Variants in ZNF185 observed in about 807,000 individuals in gnomAD.
The protein encoded by ZNF185 is zinc finger protein 185.
In ZNF185, 56 loss-of-function variants were observed where a neutral mutation model predicts 58.6. The ratio of observed to expected loss-of-function variants is 0.95; its 90% CI spans 0.77 to 1.19. The LOEUF (loss-of-function observed/expected upper bound fraction) is 1.19, where lower values mean the gene tolerates loss of function less well. Ranked by LOEUF, ZNF185 falls within the 50% of genes most tolerant of loss-of-function variation. The probability of loss-of-function intolerance (pLI) is 0.00; values close to 1 mark genes in which losing one functional copy is unlikely to be tolerated. For missense variants in ZNF185, 627 were observed against 573.5 expected (o/e 1.09, Z -0.95); for synonymous variants, 230 against 215.9 (o/e 1.07, Z -0.57).
At chrX:152,903,573 G>C in the ZNF185 span, among the ~76,000 whole-genome samples, 2 of 109,374 alleles carry the variant, frequency 1.8e-5, no homozygotes, top group African/African-American at 6.7e-5. Context: ...ATTGGCTGAA[G>C]ACCACATTGG....
chrX:152,932,828 T>A, intron 13 of ZNF185, 45 bp from the exon 15 acceptor site: 1 of 1,028,076 alleles, frequency 9.7e-7, no homozygotes, highest in East Asian at 3.2e-5. Context: ...TTAGATGAGA[T>A]CAAAACGCAA....
At chrX:152,906,942 G>A in the ZNF185 span, among the ~76,000 whole-genome samples, 12 of 110,624 alleles carry the variant, frequency 1.1e-4, no homozygotes, top group Non-Finnish European at 2.3e-4. Context: ...TTGCTCCCTT[G>A]CCCTCCCAGT....
chrX:152,931,800 A>G (rs782116503), intron 13 of ZNF185, 24 bp downstream of exon 14: 1 of 1,164,882 alleles, frequency 8.6e-7, no homozygotes, highest in South Asian at 1.9e-5. Context: ...GGAAGCAGAC[A>G]CTTCATTCCC....
rs188650930 is a variant in ZNF185, at chrX:152,938,410, C to G, written c.1211+247C>G. On this transcript the variant is annotated intron_variant, in intron 15 of 22. Coordinates refer to ENST00000449285, the Ensembl canonical transcript of ZNF185. Reference sequence around the variant, plus strand: ...AAGGGTCTTTCAGTCAGCAACCACTCTGACAGCAACTGCCTTTTGCTGGAG... The same window carrying G: ...AAGGGTCTTTCAGTCAGCAACCACTGTGACAGCAACTGCCTTTTGCTGGAG... Among the ~76,000 whole-genome samples, 134 of 112,619 alleles carry G rather than the reference C, an allele frequency of 1.2e-3. 3 individuals carry two copies. Among genetic ancestry groups the G allele is most frequent in the African/African-American group, 3.9e-3 (120 of 30,993 alleles).
upstream of ZNF185, among the ~76,000 whole-genome samples, chrX:152,910,628 AC>A (rs1398832409): frequency 8.9e-6 from 1 of 111,913 alleles, no homozygotes; most frequent in Non-Finnish European, 1.9e-5. Context: ...CCACATTTTC[AC>A]CCCCATACTC....
chrX:152,949,498 G>C (rs1402361235), intron 16 of ZNF185, among the ~76,000 whole-genome samples: 1 of 112,404 alleles, frequency 8.9e-6, no homozygotes, highest in Non-Finnish European at 1.9e-5. Context: ...CAGTAGGCTA[G>C]GTTCATCAGG....
chrX:152,970,345 C>A, intron 21 of ZNF185, 98 bp from the exon 24 acceptor site: 1 of 716,759 alleles, frequency 1.4e-6, no homozygotes, highest in Non-Finnish European at 2.2e-6. Flanking sequence ...GGGCTCACAG[C>A]ATCTGCTCGC....
At chrX:152,943,062 TG>T (rs1556891607) in intron 15 of ZNF185, among the ~76,000 whole-genome samples, 1 of 111,575 alleles carries the variant, frequency 9.0e-6, no homozygotes. Context: ...TGGAGTGCAA[TG>T]GGGTGATCTC....
exon 12 of ZNF185, chrX:152,928,603 C>A (rs188278488): frequency 8.3e-7 from 1 of 1,210,779 alleles, no homozygotes; most frequent in East Asian, 3.0e-5. Flanking sequence ...TGTCCGCCTG[C>A]AGATCCTGAC....
At chrX:152,938,009 G>T in intron 14 of ZNF185, 65 bp from the exon 17 acceptor site, 1 of 1,060,770 alleles carries the variant, frequency 9.4e-7, no homozygotes, top group Non-Finnish European at 1.3e-6. Flanking sequence ...AGCCTGGAGG[G>T]GGAAGACCTG....
At chrX:152,933,071 C>A in intron 14 of ZNF185, 100 bp downstream of exon 15, 1 of 495,267 alleles carries the variant, frequency 2.0e-6, no homozygotes, top group Non-Finnish European at 3.3e-6. Flanking sequence ...GCACTGGTCA[C>A]TTCCTATGGC....
chrX:152,902,853 GAGA>G, the ZNF185 span, among the ~76,000 whole-genome samples: 3 of 112,079 alleles, frequency 2.7e-5, no homozygotes, highest in Non-Finnish European at 5.6e-5. Flanking sequence ...TGTGGGAGGG[GAGA>G]AGGAGGATAG....
At chrX:152,972,070 G>A (rs2050686232) in exon 23 of ZNF185, 1 of 112,148 alleles carries the variant, frequency 8.9e-6, no homozygotes, top group Non-Finnish European at 1.9e-5. Context: ...GATCCCAGCA[G>A]GATTAAGGAG....
the ZNF185 span, among the ~76,000 whole-genome samples, chrX:152,906,471 C>T: frequency 1.8e-5 from 2 of 113,359 alleles, no homozygotes; most frequent in African/African-American, 6.4e-5. Context: ...AGCAATCAGC[C>T]TCTGCAGTGG....
chrX:152,915,671 C>T (rs781993371), intron 3 of ZNF185, among the ~76,000 whole-genome samples: 70 of 112,497 alleles, frequency 6.2e-4, no homozygotes, highest in African/African-American at 2.2e-3. Flanking sequence ...CACGAGTTTG[C>T]TCTGACTGTC....
At chrX:152,955,794 C>A (rs182279357) in intron 16 of ZNF185, among the ~76,000 whole-genome samples, 1 of 109,765 alleles carries the variant, frequency 9.1e-6, no homozygotes, top group Admixed American at 9.7e-5. Flanking sequence ...CCCAGCTACT[C>A]GGGAGGCTGA....
chrX:152,922,993 CTG>C (rs1330410782), intron 11 of ZNF185, among the ~76,000 whole-genome samples, 184 bp downstream of exon 12: 1 of 112,448 alleles, frequency 8.9e-6, no homozygotes, highest in African/African-American at 3.2e-5. Flanking sequence ...CCCTGAGAAT[CTG>C]GGCAGATAAT....
intron 11 of ZNF185, among the ~76,000 whole-genome samples, chrX:152,925,757 C>G (rs1344021757): frequency 6.2e-5 from 7 of 112,164 alleles, no homozygotes; most frequent in Admixed American, 1.9e-4. Flanking sequence ...AACAATGACT[C>G]AATCAAACTC....
chrX:152,905,284 G>A, the ZNF185 span, among the ~76,000 whole-genome samples: 2 of 112,494 alleles, frequency 1.8e-5, no homozygotes, highest in African/African-American at 6.5e-5. Flanking sequence ...CCGCAGAGAG[G>A]GAAGCTCTCT....
Sources: gnomAD v4.1 joint callset for allele counts (sites outside exome capture counted in the v4.1 genomes callset) on GRCh38, gnomAD v4.1.1 for gene constraint, MANE v1.5 for transcripts, NCBI Gene and HGNC (gene_info 2026-07-23, HGNC 2026-07-21) for gene names.